The following SLC35F4 variants were observed in gnomAD, a reference collection of about 807,000 sequenced individuals.
SLC35F4 encodes the protein chromosome 14 open reading frame 36.
Under a neutral mutation model 44.2 loss-of-function variants are expected in SLC35F4, and 24 were observed. The ratio of observed to expected loss-of-function variants is 0.54; its 90% CI spans 0.39 to 0.76. SLC35F4 has a LOEUF of 0.76. SLC35F4 is among the 30% of genes least tolerant of loss of function. The probability of loss-of-function intolerance (pLI) is 0.00; values close to 1 mark genes in which losing one functional copy is unlikely to be tolerated. For synonymous variants in SLC35F4, 238 were observed against 223.6 expected, an observed-to-expected ratio of 1.06 and a Z score of -0.57; for missense variants, 562 against 586.1, an observed-to-expected ratio of 0.96 and a Z score of 0.42.
At position 57,567,421 on chromosome 14, in the gene SLC35F4, C is replaced by T. The variant is rs927401640; in HGVS notation, c.1127-857G>A. Among the ~76,000 whole-genome samples the T allele has an allele frequency of 2.0e-5, 3 of 152,142 alleles. No individual in the cohort carries two copies. In the South Asian group the frequency reaches 6.2e-4, roughly 31 times the overall value. On this transcript the variant is annotated intron_variant, in intron 6 of 7. Coordinates refer to ENST00000556826, the MANE Select transcript of SLC35F4 (RefSeq NM_001306087.2). ...AATGAGGCAAGCATGTTGTGTATAT[C>T]TCTGCAGAACCAAAAAAAGTTCTAG...
At chr14:57,667,082 G>A (rs1181353899) in intron 1 of SLC35F4, among the ~76,000 whole-genome samples, 1 of 151,872 alleles carries the variant, frequency 6.6e-6, no homozygotes, top group Non-Finnish European at 1.5e-5. Context: ...GTACCTCCTA[G>A]GCAGACAGAG....
rs138087050 is a variant in SLC35F4 at position 57,800,165 on chromosome 14, C to T, written c.103+65558G>A. Among the ~76,000 whole-genome samples the T allele has an allele frequency of 2.3e-3, 357 of 152,284 alleles. 2 individuals carry two copies. Among genetic ancestry groups the T allele is most frequent in the African/African-American group, 7.8e-3 (324 of 41,566 alleles). ...AGCTTCCAGAGGAAGGATCTGGCTG[C>T]CATCTTTGCTCTTTCACAGCCTTCA... On this transcript the variant is annotated intron_variant, in intron 1 of 7. Coordinates refer to ENST00000556826, the MANE Select transcript of SLC35F4 (RefSeq NM_001306087.2).
chr14:57,952,622 CA>C (rs1890161685), intron 1 of SLC35F4, among the ~76,000 whole-genome samples: 1 of 151,644 alleles, frequency 6.6e-6, no homozygotes, highest in Non-Finnish European at 1.5e-5. Flanking sequence ...AAACACAGCA[CA>C]AAAACTTCAT....
chr14:57,892,487 T>C (rs904459638), intron 1 of SLC35F4, among the ~76,000 whole-genome samples: 6 of 152,180 alleles, frequency 3.9e-5, no homozygotes, highest in African/African-American at 1.4e-4. Context: ...AGCTAAAAGA[T>C]GTGCCTAAAA....
chr14:57,972,339 G>A (rs61562505), downstream of SLC35F4, among the ~76,000 whole-genome samples: 2 of 152,148 alleles, frequency 1.3e-5, no homozygotes, highest in Admixed American at 1.3e-4. Context: ...GCAGAAGCAG[G>A]GAGCTCAGTG....
At chr14:57,699,432 A>C (rs1323198564) in intron 1 of SLC35F4, among the ~76,000 whole-genome samples, 2 of 152,166 alleles carry the variant, frequency 1.3e-5, no homozygotes, top group Admixed American at 6.5e-5. Flanking sequence ...TCTGCTCAGC[A>C]AGTAAATACA....
intron 1 of SLC35F4, among the ~76,000 whole-genome samples, chr14:57,644,406 T>A (rs948417300): frequency 6.6e-6 from 1 of 152,182 alleles, no homozygotes; most frequent in Non-Finnish European, 1.5e-5. Context: ...TTTGGCAGCA[T>A]AAATATCTTC....
At position 57,677,471 on chromosome 14, in the gene SLC35F4, G is replaced by A. The variant is rs534834514; in HGVS notation, c.104-83347C>T. Reference sequence around the variant, plus strand: ...GGTAGCTATGCATAAAGCAAGTATAGTAATGTGTTAATGATAGACTCTAGA... The same window carrying A: ...GGTAGCTATGCATAAAGCAAGTATAATAATGTGTTAATGATAGACTCTAGA... On this transcript the variant is annotated intron_variant, in intron 1 of 7. Transcript: ENST00000556826. Among the ~76,000 whole-genome samples, 200 of 152,030 alleles carry A rather than the reference G, an allele frequency of 1.3e-3. 2 individuals are homozygous for A. The highest frequency in any genetic ancestry group is 4.0e-3 in the Admixed American group (61 of 15,268).
intron 1 of SLC35F4, among the ~76,000 whole-genome samples, chr14:57,611,694 A>T (rs1405048833): frequency 1.3e-5 from 2 of 152,196 alleles, no homozygotes; most frequent in East Asian, 3.9e-4. Flanking sequence ...GGCAATAAGG[A>T]CCTCCCAGGT....
chr14:57,743,417 C>G (rs182340420), intron 1 of SLC35F4, among the ~76,000 whole-genome samples: 92 of 152,246 alleles, frequency 6.0e-4, no homozygotes, highest in African/African-American at 2.2e-3. Context: ...CACAGAAATA[C>G]AAACTACCAT....
chr14:57,794,722 G>A (rs1195663235), intron 1 of SLC35F4, among the ~76,000 whole-genome samples: 1 of 151,894 alleles, frequency 6.6e-6, no homozygotes, highest in Non-Finnish European at 1.5e-5. Context: ...ACTTGACCTG[G>A]GACAAAACTG....
chr14:57,678,167 C>G (rs1478265275), intron 1 of SLC35F4, among the ~76,000 whole-genome samples: 1 of 152,092 alleles, frequency 6.6e-6, no homozygotes, highest in African/African-American at 2.4e-5. Flanking sequence ...AGACAAACAG[C>G]AGATTTATCT....
Position 57,766,014 on chromosome 14 carries a change from T to A in SLC35F4, c.103+99709A>T, listed in dbSNP as rs182007523. On this transcript the variant is annotated intron_variant, in intron 1 of 7. Coordinates refer to ENST00000556826, the MANE Select transcript of SLC35F4 (RefSeq NM_001306087.2). ...GCCACTGTAAACCCATAGACTGCCT[T>A]TGTGTGATTTAGAAGAAGGTGACCC... 2.9e-4 allele frequency among the ~76,000 whole-genome samples: 44 copies of A among 152,190 alleles called. No individual in the cohort carries two copies. In the East Asian group the frequency reaches 7.5e-3, roughly 26 times the overall value.
At chr14:57,668,959 T>C (rs2074414723) in intron 1 of SLC35F4, among the ~76,000 whole-genome samples, 1 of 152,138 alleles carries the variant, frequency 6.6e-6, no homozygotes, top group Non-Finnish European at 1.5e-5. Flanking sequence ...TTCCTATCCA[T>C]GAGCATGGAA....
intron 1 of SLC35F4, among the ~76,000 whole-genome samples, chr14:57,667,860 G>T (rs2074371843): frequency 6.8e-6 from 1 of 147,644 alleles, no homozygotes; most frequent in Non-Finnish European, 1.5e-5. Context: ...GTAATGGGAT[G>T]GCTGAGTCAA....
chr14:57,743,629 C>T (rs1220374696), intron 1 of SLC35F4, among the ~76,000 whole-genome samples: 6 of 152,094 alleles, frequency 3.9e-5, no homozygotes, highest in Non-Finnish European at 8.8e-5. Flanking sequence ...GATTCACAGC[C>T]GAATTCTACC....
At chr14:57,777,438 T>A (rs1343221518) in intron 1 of SLC35F4, among the ~76,000 whole-genome samples, 2 of 152,228 alleles carry the variant, frequency 1.3e-5, no homozygotes, top group Admixed American at 1.3e-4. Flanking sequence ...CATGGAATAC[T>A]ATGCAGTCAT....
At chr14:57,959,607 CT>C (rs1163789488) in intron 1 of SLC35F4, among the ~76,000 whole-genome samples, 1 of 152,220 alleles carries the variant, frequency 6.6e-6, no homozygotes, top group Non-Finnish European at 1.5e-5. Flanking sequence ...AATGTGACCA[CT>C]TTCGCAGCCG....
In SLC35F4 at chr14:57,902,631, T is replaced by G. The variant is rs1889026833; in HGVS notation, n.282+79282A>C. Among the ~76,000 whole-genome samples the G allele has an allele frequency of 4.0e-5, 6 of 151,864 alleles. No homozygotes were observed. The South Asian group carries it at 1.0e-3, about 26-fold the overall frequency. ...CAAGAACTTATCCTATGGGAACGAT[T>G]CAAATAAATGAAGAAAAAAATCATG... is the stretch of plus-strand genomic sequence containing the variant. On this transcript the variant is annotated intron_variant and non_coding_transcript_variant, in intron 1 of 1. Coordinates refer to the SLC35F4 transcript ENST00000556568.
Sources: allele counts gnomAD v4.1 joint callset (sites outside exome capture counted in the v4.1 genomes callset), GRCh38; gene constraint gnomAD v4.1.1; transcripts MANE v1.5; gene names NCBI Gene and HGNC (gene_info 2026-07-23, HGNC 2026-07-21).